NRG3: variants seen among roughly 807,000 people sequenced by gnomAD.
The protein encoded by NRG3 is neuregulin 3.
In NRG3, 31 loss-of-function variants were observed where a neutral mutation model predicts 66.9. That is an observed-to-expected ratio of 0.46 (90% CI 0.35 to 0.63). The LOEUF is 0.63. NRG3 is among the 20% of genes least tolerant of loss of function. The pLI, the probability that NRG3 is intolerant of heterozygous loss-of-function variation, is 0.00. For synonymous variants in NRG3, 393 were observed against 359.4 expected (o/e 1.09, Z -1.06); for missense variants, 910 against 878.9 (o/e 1.04, Z -0.45).
intron 1 of NRG3, among the ~76,000 whole-genome samples, chr10:81,915,003 A>G (rs537803745): frequency 6.6e-6 from 1 of 152,172 alleles, no homozygotes; most frequent in African/African-American, 2.4e-5. Context: ...TAATTAGTGT[A>G]TCCTGTGAAG....
intron 3 of NRG3, among the ~76,000 whole-genome samples, chr10:82,751,564 A>C (rs1027127097): frequency 6.6e-6 from 1 of 152,178 alleles, no homozygotes; most frequent in Admixed American, 6.6e-5. Context: ...ATTCAGCTAC[A>C]AGTAACATTT....
At chr10:82,892,678 A>C (rs769289462) in intron 4 of NRG3, among the ~76,000 whole-genome samples, 34 of 150,236 alleles carry the variant, frequency 2.3e-4, no homozygotes, top group Non-Finnish European at 4.6e-4. Context: ...TAAATAAATA[A>C]ATAAATAAAT....
At chr10:82,148,095 C>T (rs1251479331) in intron 1 of NRG3, among the ~76,000 whole-genome samples, 1 of 152,128 alleles carries the variant, frequency 6.6e-6, no homozygotes, top group African/African-American at 2.4e-5. Context: ...ATATACAGTG[C>T]TGTGTTGTGA....
At chr10:82,246,113 C>T (rs1014115784) in intron 1 of NRG3, among the ~76,000 whole-genome samples, 1 of 150,934 alleles carries the variant, frequency 6.6e-6, no homozygotes, top group Non-Finnish European at 1.5e-5. Flanking sequence ...AGGTTAGTCT[C>T]TCTGTGTCCT....
intron 1 of NRG3, among the ~76,000 whole-genome samples, chr10:81,970,647 T>TTGTGTGTG (rs140075518): frequency 6.6e-6 from 1 of 150,436 alleles, no homozygotes; most frequent in Non-Finnish European, 1.5e-5. Flanking sequence ...CCAGAAATAT[T>TTGTGTGTG]TGTGTGTGTG....
intron 3 of NRG3, among the ~76,000 whole-genome samples, chr10:82,769,710 G>A (rs2059644440): frequency 6.6e-6 from 1 of 152,050 alleles, no homozygotes; most frequent in African/African-American, 2.4e-5. Context: ...ACTAGCACAA[G>A]TCAAAAAATC....
chr10:82,271,699 G>T (rs1414753), intron 1 of NRG3, among the ~76,000 whole-genome samples: 4 of 151,844 alleles, frequency 2.6e-5, no homozygotes, highest in Non-Finnish European at 5.9e-5. Flanking sequence ...TGCTGTGAAG[G>T]TAGAGTTTTG....
chr10:82,840,069 C>A (rs1217071179), intron 3 of NRG3, among the ~76,000 whole-genome samples: 1 of 152,070 alleles, frequency 6.6e-6, no homozygotes, highest in African/African-American at 2.4e-5. Flanking sequence ...CATAAAGAAT[C>A]CCACAATTTT....
chr10:82,581,809 A>ATT (rs567467937), intron 2 of NRG3, among the ~76,000 whole-genome samples: 1 of 151,754 alleles, frequency 6.6e-6, no homozygotes, highest in African/African-American at 2.4e-5. Flanking sequence ...GGTAACCTAG[A>ATT]TTTTTTTTCC....
chr10:82,955,041 G>A (rs972795932), intron 5 of NRG3: 2 of 151,902 alleles, frequency 1.3e-5, no homozygotes, highest in Non-Finnish European at 2.9e-5. Context: ...TCGATACACT[G>A]GGATGTATAG....
At chr10:82,550,324 A>G (rs1307206295) in intron 2 of NRG3, among the ~76,000 whole-genome samples, 1 of 152,166 alleles carries the variant, frequency 6.6e-6, no homozygotes, top group Non-Finnish European at 1.5e-5. Flanking sequence ...CCAATGAGAA[A>G]ACATGTTCAG....
At chr10:82,179,331 G>A (rs1227284488) in intron 1 of NRG3, among the ~76,000 whole-genome samples, 1 of 151,924 alleles carries the variant, frequency 6.6e-6, no homozygotes, top group Non-Finnish European at 1.5e-5. Flanking sequence ...CAAGAATAAT[G>A]TCATGAAGCT....
At chr10:82,742,891 G>A (rs506802) in intron 3 of NRG3, among the ~76,000 whole-genome samples, 6 of 151,868 alleles carry the variant, frequency 4.0e-5, no homozygotes, top group East Asian at 1.9e-4. Flanking sequence ...GTGAGCCAGC[G>A]AAGGTTTTTC....
chr10:82,756,010 G>A (rs2059063661), intron 3 of NRG3, among the ~76,000 whole-genome samples: 1 of 151,942 alleles, frequency 6.6e-6, no homozygotes, highest in South Asian at 2.1e-4. Context: ...CTGATTTACA[G>A]TCTCAGAACT....
intron 4 of NRG3, among the ~76,000 whole-genome samples, chr10:82,936,942 A>C (rs1356976263): frequency 6.6e-6 from 1 of 152,110 alleles, no homozygotes; most frequent in Non-Finnish European, 1.5e-5. Context: ...TTGAAAAATC[A>C]AGTTAAAATG....
chr10:82,694,065 A>G (rs2055171376), intron 2 of NRG3, among the ~76,000 whole-genome samples: 1 of 152,180 alleles, frequency 6.6e-6, no homozygotes, highest in Non-Finnish European at 1.5e-5. Context: ...TGATTGGTGC[A>G]TTTAGAATCC....
chr10:82,049,425 T>C (rs751856098), intron 1 of NRG3, among the ~76,000 whole-genome samples: 35 of 152,122 alleles, frequency 2.3e-4, no homozygotes, highest in Non-Finnish European at 2.4e-4. Context: ...TTATTTTTTC[T>C]GCTGTTGCAG....
Position 82,164,196 on chromosome 10 carries a change from C to T in NRG3, c.824-194543C>T, listed in dbSNP as rs138019032. ...CCTCCCAATGTGCTGGGATTACAGG[C>T]GTGAGCCACAGCACCTGGCAAAATT... On this transcript the variant is annotated intron_variant, in intron 1 of 8. Transcript: ENST00000372141. 5.2e-3 allele frequency among the ~76,000 whole-genome samples: 791 copies of T among 152,034 alleles called. 1 individual carries two copies. The highest frequency in any genetic ancestry group is 9.8e-3 in the Admixed American group (150 of 15,238).
chr10:82,672,693 GC>G (rs2053377739), intron 2 of NRG3, among the ~76,000 whole-genome samples: 1 of 152,172 alleles, frequency 6.6e-6, no homozygotes, highest in Non-Finnish European at 1.5e-5. Flanking sequence ...CCAGGCCTGG[GC>G]CCCTGCCTGT....
Sources: gnomAD v4.1 joint callset for allele counts (sites outside exome capture counted in the v4.1 genomes callset) on GRCh38, gnomAD v4.1.1 for gene constraint, MANE v1.5 for transcripts, NCBI Gene and HGNC (gene_info 2026-07-23, HGNC 2026-07-21) for gene names.